FILIP1: variants seen among roughly 807,000 people sequenced by gnomAD.
The protein encoded by FILIP1 is filamin A interacting protein 1, also known as filamin-A-interacting protein 1.
A neutral mutation model predicts 102.1 loss-of-function variants in FILIP1; 61 were observed. That is an observed-to-expected ratio of 0.60 (90% CI 0.49 to 0.74). The LOEUF is 0.74. FILIP1 is among the 30% of genes least tolerant of loss of function. The pLI, the probability that FILIP1 is intolerant of heterozygous loss-of-function variation, is 0.00. For missense variants in FILIP1, 1,314 were observed against 1,441.2 expected (o/e 0.91, Z 1.43); for synonymous variants, 491 against 526.9 (o/e 0.93, Z 0.93).
intron 1 of FILIP1, chr6:75,465,448 ATGCTAGC>A: frequency 1.1e-6 from 1 of 920,738 alleles, no homozygotes; most frequent in Non-Finnish European, 1.7e-6. Flanking sequence ...ACCCATATCA[ATGCTAGC>A]AAAATGGCAG....
chr6:75,313,178 T>G lies in FILIP1; in HGVS notation c.2654A>C (p.Glu885Ala). 3 of 1,614,198 alleles carry G rather than the reference T, an allele frequency of 1.9e-6. No individual in the cohort carries two copies. Among genetic ancestry groups the G allele is most frequent in the Non-Finnish European group, 2.5e-6 (3 of 1,180,040 alleles). The part of the protein sequence containing the change: ...KRENGPSITQ[E>A]KGPRTNSSPG... ...ACTGGAATTTGTTCGGGGCCCTTTCTCCTGAGTGATGGAGGGGCCGTTTTC... is the reference window on the plus strand; with the variant it reads ...ACTGGAATTTGTTCGGGGCCCTTTCGCCTGAGTGATGGAGGGGCCGTTTTC... Residue 885 changes from glutamate to alanine, a missense_variant, in exon 5 of 6, where the codon GAG (glutamate) becomes GCG (alanine). Glu to Ala is a moderately radical substitution (Grantham distance 107, BLOSUM62 -1). Transcript: ENST00000237172. This position sits in a 1 kb window ranked among gnomAD's most constrained non-coding sequence, Gnocchi z 4.2.
At chr6:75,361,107 C>T (rs902193940) in intron 3 of FILIP1, among the ~76,000 whole-genome samples, 1 of 152,224 alleles carries the variant, frequency 6.6e-6, no homozygotes, top group Non-Finnish European at 1.5e-5. Context: ...GGGGAAATGA[C>T]TCTTCAGATT....
intron 1 of FILIP1, among the ~76,000 whole-genome samples, chr6:75,433,191 C>A (rs191020962): frequency 1.3e-5 from 2 of 152,054 alleles, no homozygotes; most frequent in African/African-American, 4.8e-5. Flanking sequence ...GGGTATATAC[C>A]CAGTAATGGT....
chr6:75,347,784 CT>C (rs1774643250), intron 4 of FILIP1, among the ~76,000 whole-genome samples: 2 of 152,146 alleles, frequency 1.3e-5, no homozygotes, highest in Non-Finnish European at 2.9e-5. Context: ...GACCAACCCC[CT>C]GTTCATATTG....
chr6:75,341,004 G>A (rs1238757863), intron 4 of FILIP1, among the ~76,000 whole-genome samples: 19 of 150,550 alleles, frequency 1.3e-4, no homozygotes, highest in Non-Finnish European at 1.5e-5. Context: ...GTGCCTGCCC[G>A]TCCGCTTGTG....
chr6:75,383,949 C>G (rs961860907), intron 2 of FILIP1, among the ~76,000 whole-genome samples: 1 of 152,122 alleles, frequency 6.6e-6, no homozygotes, highest in African/African-American at 2.4e-5. Flanking sequence ...TATAGAACCT[C>G]TCAAATATGT....
At chr6:75,393,729 A>T (rs1188510748) in intron 2 of FILIP1, among the ~76,000 whole-genome samples, 1 of 152,208 alleles carries the variant, frequency 6.6e-6, no homozygotes, top group Non-Finnish European at 1.5e-5. Context: ...AACCATTTAT[A>T]TCTATTCTAC....
chr6:75,450,917 T>C (rs1778609939), intron 1 of FILIP1, among the ~76,000 whole-genome samples: 1 of 152,108 alleles, frequency 6.6e-6, no homozygotes, highest in Admixed American at 6.6e-5. Context: ...ATTGCGCCAT[T>C]GCACTCCAGC....
At chr6:75,312,276 G>T in intron 5 of FILIP1, 121 bp downstream of exon 5, 2 of 947,646 alleles carry the variant, frequency 2.1e-6, no homozygotes, top group Non-Finnish European at 3.2e-6. Flanking sequence ...GGAAGCATCT[G>T]TTGGTGGATT....
Position 75,396,549 on chromosome 6 carries a change from T to A in FILIP1, c.276+18148A>T, listed in dbSNP as rs146369685. Among the ~76,000 whole-genome samples, 1,243 of 152,242 alleles carry A rather than the reference T, an allele frequency of 8.2e-3. 57 individuals carry two copies. The highest frequency in any genetic ancestry group is 0.07 in the Admixed American group (1,075 of 15,284). The stretch of plus-strand genomic sequence containing the variant: ...TTATACCCTTGTTAGTTGAATCCAC[T>A]ATCTCGTGATGGTAGATAATAAATA... On this transcript the variant is annotated intron_variant, in intron 2 of 5. Coordinates refer to ENST00000237172, the MANE Select transcript of FILIP1 (RefSeq NM_015687.5).
At chr6:75,480,510 G>A (rs1779622163) in intron 1 of FILIP1, among the ~76,000 whole-genome samples, 1 of 151,826 alleles carries the variant, frequency 6.6e-6, no homozygotes, top group Non-Finnish European at 1.5e-5. Context: ...ACTGCTCCTG[G>A]CTCAAAATTC....
chr6:75,331,148 G>C (rs866045604), intron 4 of FILIP1, among the ~76,000 whole-genome samples: 1 of 152,086 alleles, frequency 6.6e-6, no homozygotes, highest in Non-Finnish European at 1.5e-5. Flanking sequence ...CTGGTAACAT[G>C]CTAATTTAAA....
chr6:75,309,537 T>C (rs913599643), intron 5 of FILIP1, among the ~76,000 whole-genome samples: 1 of 152,152 alleles, frequency 6.6e-6, no homozygotes, highest in African/African-American at 2.4e-5. Context: ...ATATTCACCC[T>C]GAGAATTGCC....
chr6:75,475,886 G>C (rs1003251838), intron 1 of FILIP1, among the ~76,000 whole-genome samples: 2 of 152,146 alleles, frequency 1.3e-5, no homozygotes, highest in African/African-American at 4.8e-5. Context: ...CTCAATAAAA[G>C]TAACTATTAT....
intron 4 of FILIP1, among the ~76,000 whole-genome samples, chr6:75,335,780 CA>C (rs1774221876): frequency 6.6e-6 from 1 of 152,066 alleles, no homozygotes; most frequent in Non-Finnish European, 1.5e-5. Flanking sequence ...TTTTATACTA[CA>C]TAAGTATAAG....
rs1774891379 is a variant in FILIP1, at chr6:75,353,700, T to C, written c.468A>G (p.Glu156=). ...TGCGCCGGTAGGTTTCTTTCTGTTT[T>C]TCCTCAAGTCTGTCCAGCTGAATAA... ...KPISELDRLE[E]KQKETYRRML... Residue 156 remains glutamate (E), a synonymous_variant, in exon 4 of 6, where the codon GAA becomes GAG. Transcript: ENST00000237172. 1.9e-6 allele frequency: 3 copies of C among 1,613,592 alleles called. No homozygotes were observed. Among genetic ancestry groups the C allele is most frequent in the Non-Finnish European group, 2.5e-6 (3 of 1,180,044 alleles).
chr6:75,426,535 G>A (rs149429248), intron 1 of FILIP1, among the ~76,000 whole-genome samples: 110 of 152,276 alleles, frequency 7.2e-4, no homozygotes, highest in Non-Finnish European at 1.3e-3. Context: ...CCCAGCAAAA[G>A]TGGAAGGTAG....
At chr6:75,353,161 A>T (rs917328493) in intron 4 of FILIP1, among the ~76,000 whole-genome samples, 2 of 152,036 alleles carry the variant, frequency 1.3e-5, no homozygotes, top group African/African-American at 4.8e-5. Context: ...CATATGTAAC[A>T]AACCTGCACG....
rs760424277 is a variant in FILIP1, at chr6:75,313,994, C to T, written c.1838G>A (p.Gly613Glu). The T allele has an allele frequency of 6.4e-7, 1 of 1,564,686 alleles. No individual in the cohort carries two copies. Among genetic ancestry groups the T allele is most frequent in the Non-Finnish European group, 8.6e-7 (1 of 1,161,656 alleles). Reference protein sequence around the residue: ...IEEVEREITRGRSRKGSELTC... With the variant: ...IEEVEREITRERSRKGSELTC... ...GAGCTCAGACCCTTTTCGTGACCTT[C>T]CTCTTGTTATTTCTCTTTCCACTTC... Residue 613 changes from glycine to glutamate, a missense_variant, in exon 5 of 6, where the codon GGA becomes GAA. By Grantham distance (98) the Gly-to-Glu change is moderately conservative (BLOSUM62 -2). Coordinates refer to ENST00000237172, the MANE Select transcript of FILIP1 (RefSeq NM_015687.5). The surrounding 1 kb of genome is among the most constrained non-coding windows in gnomAD (Gnocchi z 4.2).
Sources: gnomAD v4.1 joint callset for allele counts (sites outside exome capture counted in the v4.1 genomes callset) on GRCh38, gnomAD v4.1.1 for gene constraint, Gnocchi (gnomAD v3.1) non-coding constraint, MANE v1.5 for transcripts, NCBI Gene and HGNC (gene_info 2026-07-23, HGNC 2026-07-21) for gene names.